The following LMF1 variants were observed in gnomAD, a reference collection of about 807,000 sequenced individuals.
LMF1 encodes the protein transmembrane protein 112.
In LMF1, 68 loss-of-function variants were observed where a neutral mutation model predicts 60.6. That is an observed-to-expected ratio of 1.12 (90% CI 0.92 to 1.37). The LOEUF is 1.37. Among genes scored for constraint, LMF1 ranks in the 40% most tolerant of loss-of-function variants. The probability of loss-of-function intolerance (pLI) is 0.00; values close to 1 mark genes in which losing one functional copy is unlikely to be tolerated. For synonymous variants in LMF1, 418 were observed against 324.7 expected, an observed-to-expected ratio of 1.29 and a Z score of -3.09; for missense variants, 948 against 767.2, an observed-to-expected ratio of 1.24 and a Z score of -2.78.
intron 3 of LMF1, among the ~76,000 whole-genome samples, chr16:930,938 C>T (rs1392074817): frequency 6.6e-6 from 1 of 152,086 alleles, no homozygotes; most frequent in Non-Finnish European, 1.5e-5. Flanking sequence ...CTGGCCAACA[C>T]TGTGAAATCC....
At chr16:954,929 C>G (rs367586993) in intron 1 of LMF1, among the ~76,000 whole-genome samples, 2 of 141,522 alleles carry the variant, frequency 1.4e-5, no homozygotes, top group African/African-American at 2.7e-5. Flanking sequence ...ACATAAAATG[C>G]GTGCCCGCAG....
chr16:926,451 AC>A (rs1311819734), intron 3 of LMF1, among the ~76,000 whole-genome samples: 1 of 152,158 alleles, frequency 6.6e-6, no homozygotes, highest in Non-Finnish European at 1.5e-5. Context: ...GTGTGTTTGC[AC>A]AGGATCTGCA....
intron 10 of LMF1, among the ~76,000 whole-genome samples, chr16:857,270 C>A (rs115156591): frequency 2.0e-5 from 3 of 152,256 alleles, no homozygotes; most frequent in Non-Finnish European, 2.9e-5. Flanking sequence ...CTGGCTTAAA[C>A]GTCCATGGAA....
chr16:933,279 T>C (rs1420865281), intron 3 of LMF1: 1 of 152,248 alleles, frequency 6.6e-6, no homozygotes, highest in Non-Finnish European at 1.5e-5. Context: ...GGAATAAGGT[T>C]CCTTTGTATT....
chr16:906,320 G>A (rs978438941), intron 4 of LMF1, among the ~76,000 whole-genome samples: 1 of 152,208 alleles, frequency 6.6e-6, no homozygotes, highest in Non-Finnish European at 1.5e-5. Flanking sequence ...GTCTGTGAGG[G>A]TGTTGCCAGA....
chr16:979,251 T>G (rs2073266337), intron 1 of LMF1: 2 of 371,844 alleles, frequency 5.4e-6, no homozygotes, highest in Admixed American at 6.2e-5. Flanking sequence ...TCCTGGGGAC[T>G]TCAAGGTGGA....
intron 3 of LMF1, among the ~76,000 whole-genome samples, chr16:914,083 A>G (rs1234080516): frequency 6.6e-6 from 1 of 152,072 alleles, no homozygotes; most frequent in East Asian, 1.9e-4. Context: ...GGCTGCAGCT[A>G]CACGCACGGT....
At chr16:926,162 G>A (rs1446306833) in intron 3 of LMF1, among the ~76,000 whole-genome samples, 1 of 151,736 alleles carries the variant, frequency 6.6e-6, no homozygotes, top group African/African-American at 2.4e-5. Flanking sequence ...TTGCATATGT[G>A]CATACGCGTG....
chr16:926,046 G>C (rs2071587533), intron 3 of LMF1, among the ~76,000 whole-genome samples: 1 of 152,146 alleles, frequency 6.6e-6, no homozygotes, highest in Non-Finnish European at 1.5e-5. Context: ...GTGTGCGCAT[G>C]TGTGCACACG....
chr16:952,165 T>C (rs2072488646), intron 2 of LMF1, among the ~76,000 whole-genome samples: 1 of 152,128 alleles, frequency 6.6e-6, no homozygotes, highest in Non-Finnish European at 1.5e-5. Flanking sequence ...GCCTGCTTGT[T>C]GAATGAGGTG....
At chr16:914,759 TTCCCTCCCTCCCTCCCTTCCCATGACCAC>T (rs1596984212) in intron 3 of LMF1, among the ~76,000 whole-genome samples, 50 of 2,472 alleles carry the variant, frequency 0.02, no homozygotes, top group Middle Eastern at 0.1. Flanking sequence ...TGGTGACACA[TTCCCTCCCTCCCTCCCTTCCCATGACCAC>T]TGGTGACACA....
At chr16:959,017 CG>C (rs1318385588) in intron 1 of LMF1, among the ~76,000 whole-genome samples, 1 of 152,180 alleles carries the variant, frequency 6.6e-6, no homozygotes, top group Non-Finnish European at 1.5e-5. Flanking sequence ...GGATGGCAGA[CG>C]GTGGCATCTG....
intron 1 of LMF1, among the ~76,000 whole-genome samples, chr16:955,318 T>A (rs1216616163): frequency 6.6e-6 from 1 of 151,140 alleles, no homozygotes; most frequent in Non-Finnish European, 1.5e-5. Context: ...AGACGCGGTG[T>A]GTGCATACAC....
chr16:953,067 A>G (rs1206068888), intron 2 of LMF1, among the ~76,000 whole-genome samples: 1 of 70,700 alleles, frequency 1.4e-5, no homozygotes, highest in Non-Finnish European at 2.6e-5. Context: ...GTCCACACAG[A>G]CACCCACTCC....
chr16:942,271 T>A lies in LMF1; in HGVS notation c.504-8017A>T, dbSNP rs964271298. On this transcript the variant is annotated intron_variant, in intron 2 of 10. Coordinates refer to ENST00000262301, the MANE Select transcript of LMF1 (RefSeq NM_022773.4). ...TCCAGTGGTTATAAGAAGCCAGACA[T>A]ATTTGAATCTTTATTCTTTGAGTGT... Among the ~76,000 whole-genome samples, 12 of 152,358 alleles carry A rather than the reference T, an allele frequency of 7.9e-5. 1 individual carries two copies. Among genetic ancestry groups the A allele is most frequent in the African/African-American group, 2.6e-4 (11 of 41,586 alleles).
At chr16:856,602 A>AGGG (rs2151676198) in intron 10 of LMF1, among the ~76,000 whole-genome samples, 2 of 152,322 alleles carry the variant, frequency 1.3e-5, no homozygotes, top group African/African-American at 4.8e-5. Context: ...GTCAAGGCCT[A>AGGG]GGGGGCCCAG....
chr16:916,667 T>C (rs1043799229), intron 3 of LMF1, among the ~76,000 whole-genome samples: 6 of 152,162 alleles, frequency 3.9e-5, no homozygotes, highest in African/African-American at 1.4e-4. Context: ...TCCGCCCACA[T>C]GCAGAGCCCC....
At chr16:879,809 T>A (rs2070111412) in intron 5 of LMF1, 72 bp from the exon 6 acceptor site, 3 of 1,450,576 alleles carry the variant, frequency 2.1e-6, no homozygotes, top group Admixed American at 2.0e-5. Context: ...GGCTTGTGGG[T>A]CCCTGGCCCC....
chr16:977,637 A>G (rs963875965), intron 1 of LMF1, among the ~76,000 whole-genome samples: 4 of 151,764 alleles, frequency 2.6e-5, no homozygotes, highest in African/African-American at 9.7e-5. Flanking sequence ...AGGCCGCACA[A>G]AAGATGGGCT....
Sources: allele counts gnomAD v4.1 joint callset (sites outside exome capture counted in the v4.1 genomes callset), GRCh38; gene constraint gnomAD v4.1.1; transcripts MANE v1.5; gene names NCBI Gene and HGNC (gene_info 2026-07-23, HGNC 2026-07-21).